The following AMOTL2 variants were observed in gnomAD, a reference collection of about 807,000 sequenced individuals.
The protein encoded by AMOTL2 is angiomotin-like protein 2.
Under a neutral mutation model 78.4 loss-of-function variants are expected in AMOTL2, and 33 were observed. That is an observed-to-expected ratio of 0.42 (90% CI 0.32 to 0.56). The LOEUF is 0.56. Among genes scored for constraint, AMOTL2 ranks in the 20% least tolerant of loss-of-function variants. AMOTL2 has a pLI of 0.12. For missense variants in AMOTL2, 983 were observed against 1,030.1 expected, an observed-to-expected ratio of 0.95 and a Z score of 0.63; for synonymous variants, 422 against 428.8, an observed-to-expected ratio of 0.98 and a Z score of 0.20.
In AMOTL2 at chr3:134,361,810, G is replaced by A. The variant is rs369116318; in HGVS notation, c.1280-3C>T. ...TTGCTCCTGCTGCTGTTCGTAGCCT[G>A]TAGGGAGAAAGAGGCTTGATCAGTG... On this transcript the variant is annotated splice_region_variant and splice_polypyrimidine_tract_variant and intron_variant, in intron 5 of 9. Transcript: ENST00000249883. The A allele has an allele frequency of 4.5e-6, 7 of 1,539,610 alleles. No individual in the cohort carries two copies. In the Admixed American group the frequency reaches 9.7e-5, roughly 21 times the overall value.
intron 1 of AMOTL2, chr3:134,373,555 T>C (rs1395972534): frequency 1.0e-6 from 1 of 985,420 alleles, no homozygotes; most frequent in East Asian, 1.1e-4. Context: ...GAAGGCCGCC[T>C]TTCTAAGCCA....
At chr3:134,375,265 G>T (rs747093388), upstream of AMOTL2, 1 of 1,533,978 alleles carries the variant, frequency 6.5e-7, no homozygotes, top group South Asian at 1.2e-5. Context: ...TACGCAGAGT[G>T]CAAGGTGTGC....
rs1576588788 is a variant in AMOTL2, at chr3:134,371,500, G to A, written c.-61-6C>T. On this transcript the variant is annotated splice_region_variant and splice_polypyrimidine_tract_variant and intron_variant, in intron 1 of 9. Transcript: ENST00000249883. ...GGCACCTGGCCCCAGAGCACCTGGA[G>A]TGGGGTGGGGAGAGAGAGAGAGAAA... 1 of 1,585,398 alleles carries A rather than the reference G, an allele frequency of 6.3e-7. No individual in the cohort carries two copies. Among genetic ancestry groups the A allele is most frequent in the East Asian group, 2.2e-5 (1 of 44,462 alleles).
Position 134,357,708 on chromosome 3 carries a change from G to A in AMOTL2, c.2340C>T (p.Ile780=). Residue 780 remains isoleucine (I), a synonymous_variant, in exon 10 of 10, where the codon ATC becomes ATT. Transcript: ENST00000249883. ...GAGTCCTGAAGCACCACCTCCTTCAGATCAGTATCTCCACCATGTCTGACA... is the reference window on the plus strand; with the variant it reads ...GAGTCCTGAAGCACCACCTCCTTCAAATCAGTATCTCCACCATGTCTGACA... ...QDLSDMVEIL[I] The A allele has an allele frequency of 6.2e-7, 1 of 1,614,166 alleles. No individual in the cohort carries two copies. The highest frequency in any genetic ancestry group is 8.5e-7 in the Non-Finnish European group (1 of 1,180,018).
upstream of AMOTL2, chr3:134,374,642 G>T (rs1434202526): frequency 2.0e-6 from 2 of 984,390 alleles, no homozygotes; most frequent in Non-Finnish European, 2.4e-6. Context: ...CCGGGGAGGC[G>T]GCGCTGCTGG....
rs1259469600 is a variant in AMOTL2 at position 134,357,715 on chromosome 3, A to T, written c.2333T>A (p.Ile778Lys). The T allele has an allele frequency of 1.2e-6, 2 of 1,614,192 alleles. No individual in the cohort carries two copies. The change falls in exon 10 of 10, where the codon ATA becomes AAA. Residue 778 changes from isoleucine (I) to lysine (K), a missense_variant. By Grantham distance (102) the Ile-to-Lys change is moderately radical. Transcript: ENST00000249883. ...GAAGCACCACCTCCTTCAGATCAGTATCTCCACCATGTCTGACAAGTCCTG... is the reference window on the plus strand; with the variant it reads ...GAAGCACCACCTCCTTCAGATCAGTTTCTCCACCATGTCTGACAAGTCCTG... ...RVQDLSDMVE[I>K]LI
Position 134,360,417 on chromosome 3 carries a change from C to T in AMOTL2, c.1576-4G>A. The T allele has an allele frequency of 6.2e-7, 1 of 1,608,082 alleles. No homozygotes were observed. Among genetic ancestry groups the T allele is most frequent in the Non-Finnish European group, 8.5e-7 (1 of 1,177,100 alleles). ...CACCTGGGGCACCTGCCTGTCTCTG[C>T]AGAGCAAGGAGTAGAGACCGTGGTC... On this transcript the variant is annotated splice_polypyrimidine_tract_variant and splice_region_variant and intron_variant, in intron 6 of 9. Coordinates refer to ENST00000249883, the MANE Select transcript of AMOTL2 (RefSeq NM_016201.4).
upstream of AMOTL2, chr3:134,375,307 C>G: frequency 7.0e-7 from 1 of 1,433,030 alleles, no homozygotes; most frequent in Non-Finnish European, 9.5e-7. Context: ...TCATCCGATT[C>G]AGCCCTGCCA....
intron 1 of AMOTL2, chr3:134,373,678 G>A: frequency 1.0e-6 from 1 of 985,494 alleles, no homozygotes; most frequent in Non-Finnish European, 1.2e-6. Flanking sequence ...CCACGAGCCC[G>A]GGCGGACCTG....
chr3:134,373,401 T>G (rs550120269), intron 1 of AMOTL2: 2 of 926,236 alleles, frequency 2.2e-6, no homozygotes, highest in African/African-American at 1.8e-5. Flanking sequence ...AAGGAACATC[T>G]CCAAGGCCTC....
At position 134,374,397 on chromosome 3, in the gene AMOTL2, C is replaced by T; in HGVS notation, c.-117G>A. The T allele has an allele frequency of 2.0e-6, 2 of 985,378 alleles. No homozygotes were observed. The highest frequency in any genetic ancestry group is 2.4e-6 in the Non-Finnish European group (2 of 829,918). 61.0% of individuals were successfully genotyped at this position (985,378 alleles called of 1,614,324 possible). ...AGACACCACAACCTCCGGCTCGGCC[C>T]AGCTCAGCTCGGCGGCGAAGATGTG... On this transcript the variant is annotated 5_prime_UTR_variant, in exon 1 of 10. Coordinates refer to ENST00000249883, the MANE Select transcript of AMOTL2 (RefSeq NM_016201.4).
intron 5 of AMOTL2, 75 bp from the exon 6 acceptor site, chr3:134,361,882 G>T: frequency 1.6e-6 from 2 of 1,289,846 alleles, no homozygotes; most frequent in Non-Finnish European, 1.0e-6. Context: ...GCTCAGTGCT[G>T]ACCACTGGAT....
intron 1 of AMOTL2, chr3:134,373,538 GCT>G (rs2017960955): frequency 1.0e-6 from 1 of 985,622 alleles, no homozygotes; most frequent in African/African-American, 1.7e-5. Flanking sequence ...CGCCCGCTGC[GCT>G]CTCTGAAGGC....
At chr3:134,364,406 T>A (rs564088593) in intron 5 of AMOTL2, among the ~76,000 whole-genome samples, 10 of 152,002 alleles carry the variant, frequency 6.6e-5, no homozygotes, top group Non-Finnish European at 1.5e-4. Context: ...ACCCGCCCCA[T>A]GGCTTCCTTT....
rs543828282 is a variant in AMOTL2 at position 134,358,443 on chromosome 3, C to T, written c.2284+97G>A. On this transcript the variant is annotated intron_variant, in intron 9 of 9. Coordinates refer to ENST00000249883, the MANE Select transcript of AMOTL2 (RefSeq NM_016201.4). ...TCCCCATGGAGTGCGGGCAATGACC[C>T]GGAGGGGGTCTGGGAAGAAAAGGCC... The T allele has an allele frequency of 8.0e-5, 114 of 1,430,836 alleles. No homozygotes were observed. The South Asian group carries it at 1.1e-3, about 14-fold the overall frequency. 88.6% of individuals were successfully genotyped at this position (1,430,836 alleles called of 1,614,324 possible). A position where few individuals can be genotyped will look rare whatever the true frequency, so the allele number is the denominator to read the frequency against.
At chr3:134,368,544 G>A (rs904798494) in intron 2 of AMOTL2, among the ~76,000 whole-genome samples, 19 of 152,194 alleles carry the variant, frequency 1.2e-4, no homozygotes, top group Non-Finnish European at 2.5e-4. Flanking sequence ...CACAGACTGG[G>A]CATTGCTCTG....
intron 1 of AMOTL2, 179 bp from the exon 2 acceptor site, chr3:134,371,673 A>T (rs2017874055): frequency 2.1e-6 from 2 of 970,628 alleles, no homozygotes; most frequent in Admixed American, 3.1e-5. Context: ...ACTGATTAAG[A>T]CAAGTTACCT....
At chr3:134,370,588 G>T in intron 2 of AMOTL2, 112 bp downstream of exon 2, 2 of 1,338,066 alleles carry the variant, frequency 1.5e-6, no homozygotes, top group Non-Finnish European at 2.0e-6. Flanking sequence ...GGTTGGAGGT[G>T]GGGTGGATCT....
chr3:134,360,459 G>T lies in AMOTL2; in HGVS notation c.1576-46C>A, dbSNP rs773127658. The T allele has an allele frequency of 2.5e-5, 39 of 1,547,802 alleles. No individual in the cohort carries two copies. In the Middle Eastern group the frequency reaches 5.8e-4, roughly 23 times the overall value. ...ACCGTGGTCAAGGGTGCAGGTTGGG[G>T]TGTGGCAGCCACTGGTCTTCGCCTC... On this transcript the variant is annotated intron_variant, in intron 6 of 9. Transcript: ENST00000249883.
Sources: gnomAD v4.1 joint callset for allele counts (sites outside exome capture counted in the v4.1 genomes callset) on GRCh38, gnomAD v4.1.1 for gene constraint, MANE v1.5 for transcripts, NCBI Gene and HGNC (gene_info 2026-07-23, HGNC 2026-07-21) for gene names.